The following EXOC3 variants were observed in gnomAD, a reference collection of about 807,000 sequenced individuals.
EXOC3 encodes the protein exocyst complex component 3.
EXOC3 carries 21 observed loss-of-function variants against 73.7 expected under a neutral mutation model. That is an observed-to-expected ratio of 0.29 (90% confidence interval 0.20 to 0.41). EXOC3 has a LOEUF of 0.41. EXOC3 is among the 10% of genes least tolerant of loss of function. EXOC3 has a pLI of 1.00. For missense variants in EXOC3, 842 were observed against 985.1 expected (o/e 0.85, Z 1.95); for synonymous variants, 410 against 389.1 (o/e 1.05, Z -0.63).
Position 445,353 on chromosome 5 carries a change from C to CTTT in EXOC3, c.-56-785_-56-783dup, listed in dbSNP as rs11452170. On this transcript the variant is annotated intron_variant, in intron 1 of 12. Coordinates refer to ENST00000512944, the MANE Select transcript of EXOC3 (RefSeq NM_007277.5). ...CAATAATGACTTTTTCTTTTTTTTT[C>CTTT]TTTTTTTTTTTTTTGAGACGGAGTC... 9.3e-5 allele frequency among the ~76,000 whole-genome samples: 13 copies of CTTT among 139,602 alleles called. No homozygotes were observed. In the South Asian group the frequency reaches 1.1e-3, roughly 12 times the overall value. 91.6% of individuals were successfully genotyped at this position (139,602 alleles called of 152,430 possible).
chr5:458,897 T>A (rs1262737995), intron 6 of EXOC3, among the ~76,000 whole-genome samples: 3 of 152,240 alleles, frequency 2.0e-5, no homozygotes, highest in Non-Finnish European at 4.4e-5. Context: ...CGTGAGAAAC[T>A]GTGAGGAGAG....
At chr5:461,052 A>G (rs1198175956) in intron 7 of EXOC3, among the ~76,000 whole-genome samples, 3 of 152,222 alleles carry the variant, frequency 2.0e-5, no homozygotes, top group South Asian at 2.1e-4. Context: ...TGACATTTCA[A>G]GTGTCTGTTT....
intron 4 of EXOC3, among the ~76,000 whole-genome samples, chr5:456,481 G>A (rs1737817616): frequency 6.6e-6 from 1 of 152,160 alleles, no homozygotes; most frequent in African/African-American, 2.4e-5. Flanking sequence ...GGCTCTGCAG[G>A]TGCAGTGAAT....
rs754663864 is a variant in EXOC3, at chr5:462,311, G to T, written c.1653+4G>T. The T allele has an allele frequency of 2.5e-6, 4 of 1,613,744 alleles. No homozygotes were observed. Among genetic ancestry groups the T allele is most frequent in the Non-Finnish European group, 3.4e-6 (4 of 1,179,876 alleles). On this transcript the variant is annotated splice_donor_region_variant and intron_variant, in intron 9 of 12. Coordinates refer to ENST00000512944, the MANE Select transcript of EXOC3 (RefSeq NM_007277.5). ...GGAGGTCTTCCTGGACCTGGAGGTG[G>T]GCCTGGCTCTTTCCTCCTGCCGTTT...
chr5:444,934 C>T (rs1300660270), intron 1 of EXOC3: 1 of 138,496 alleles, frequency 7.2e-6, no homozygotes, highest in African/African-American at 2.5e-5. Context: ...AGATTTTCTA[C>T]GTTGGTATGC....
Position 462,045 on chromosome 5 carries a change from A to G in EXOC3, c.1477A>G (p.Ile493Val). 6.2e-7 allele frequency: 1 copy of G among 1,610,250 alleles called. No individual in the cohort carries two copies. Among genetic ancestry groups the G allele is most frequent in the Non-Finnish European group, 8.5e-7 (1 of 1,178,146 alleles). The change falls in exon 8 of 13, where the codon ATC becomes GTC. Residue 493 changes from isoleucine to valine, a missense_variant. Physicochemically the swap from Ile to Val is conservative, Grantham distance 29. Coordinates refer to ENST00000512944, the MANE Select transcript of EXOC3 (RefSeq NM_007277.5). ...CTGCTACGTTCAGTACATGATCGCC[A>G]TCATCAACAACTGCCAGACCTTCAA... ...PHCYVQYMIAIINNCQTFKES... is the reference protein window; with the variant it reads ...PHCYVQYMIAVINNCQTFKES...
At position 453,685 on chromosome 5, in the gene EXOC3, T is replaced by C; in HGVS notation, c.680T>C (p.Leu227Pro). 2 of 1,613,936 alleles carry C rather than the reference T, an allele frequency of 1.2e-6. No individual in the cohort carries two copies. Among genetic ancestry groups the C allele is most frequent in the South Asian group, 1.1e-5 (1 of 91,080 alleles). ...EREEKIDRRILDRKKQTGFVP... is the reference protein window; with the variant it reads ...EREEKIDRRIPDRKKQTGFVP... ...GAAGAGAAAATTGACAGGCGCATAC[T>C]TGACCGGAAAAAGCAAACTGGCTTT... Residue 227 changes from leucine (L) to proline (P), a missense_variant, in exon 4 of 13, where the codon CTT becomes CCT. Physicochemically the swap from Leu to Pro is moderately conservative, Grantham distance 98. Coordinates refer to ENST00000512944, the MANE Select transcript of EXOC3 (RefSeq NM_007277.5).
At position 459,435 on chromosome 5, in the gene EXOC3, A is replaced by G; in HGVS notation, c.1367A>G (p.Gln456Arg). ...ACAAAGGTACTAGTTTTATGTCTTC[A>G]GCAGATGAATTCTTTCCTAAGCAGG... ...LKTKVLVLCL[Q>R]QMNSFLSRYK... Residue 456 changes from glutamine (Q) to arginine (R), a missense_variant, in exon 7 of 13, where the codon CAG (glutamine) becomes CGG (arginine). Physicochemically the swap from Gln to Arg is conservative, Grantham distance 43. Transcript: ENST00000512944. 6.4e-7 allele frequency: 1 copy of G among 1,554,788 alleles called. No homozygotes were observed. Among genetic ancestry groups the G allele is most frequent in the Non-Finnish European group, 8.8e-7 (1 of 1,140,144 alleles).
intron 10 of EXOC3, 83 bp downstream of exon 10, chr5:464,495 G>T: frequency 6.8e-7 from 1 of 1,464,186 alleles, no homozygotes. Context: ...CATCCAGCGA[G>T]TCCCTCCGTG....
chr5:456,961 A>G lies in EXOC3; in HGVS notation c.1119A>G (p.Pro373=). The part of the protein sequence containing the change: ...DVGTLEPLLS[P]HVVSELLDTY... ...GCACCCTGGAGCCATTGCTTTCTCC[A>G]CACGTGGTCTCTGAGCTGCTTGACA... Residue 373 remains proline (P), a synonymous_variant, in exon 5 of 13, where the codon CCA becomes CCG. Coordinates refer to ENST00000512944, the MANE Select transcript of EXOC3 (RefSeq NM_007277.5). The G allele has an allele frequency of 6.2e-7, 1 of 1,613,936 alleles. No individual in the cohort carries two copies. The highest frequency in any genetic ancestry group is 1.1e-5 in the South Asian group (1 of 91,086).
At chr5:450,703 G>A (rs1437595875) in intron 3 of EXOC3, among the ~76,000 whole-genome samples, 2 of 151,504 alleles carry the variant, frequency 1.3e-5, no homozygotes, top group African/African-American at 2.4e-5. Context: ...GTATTTTGAC[G>A]GTCTGTTAGT....
chr5:466,462 C>T (rs1260800463), intron 12 of EXOC3: 1 of 478,382 alleles, frequency 2.1e-6, no homozygotes, highest in Non-Finnish European at 3.7e-6. Flanking sequence ...GTCTTGAGCT[C>T]TCCACGGTCT....
chr5:465,406 C>A, intron 11 of EXOC3, 134 bp downstream of exon 11: 4 of 1,056,102 alleles, frequency 3.8e-6, no homozygotes, highest in East Asian at 2.6e-5. Context: ...GGGTCCAGGT[C>A]CTGCCTGACC....
At chr5:456,400 G>GC (rs35960959) in intron 4 of EXOC3, among the ~76,000 whole-genome samples, 106,998 of 152,056 alleles carry the variant, frequency 0.7, 37,908 homozygotes, top group African/African-American at 0.79. Flanking sequence ...GGCTGTGGGG[G>GC]CGGCTGTGCT....
At chr5:464,724 A>C (rs976742602) in intron 10 of EXOC3, 5 of 400,482 alleles carry the variant, frequency 1.2e-5, no homozygotes, top group South Asian at 2.8e-5. Flanking sequence ...TCCGCTTCAG[A>C]CCCTCCTTCC....
At chr5:449,132 C>T (rs1737585682) in intron 3 of EXOC3, among the ~76,000 whole-genome samples, 1 of 152,232 alleles carries the variant, frequency 6.6e-6, no homozygotes, top group Non-Finnish European at 1.5e-5. Flanking sequence ...AAAATAATTT[C>T]CTTTCCTTGG....
chr5:448,067 T>C (rs1164915236), intron 3 of EXOC3, among the ~76,000 whole-genome samples: 10 of 152,102 alleles, frequency 6.6e-5, no homozygotes, highest in Non-Finnish European at 1.5e-4. Flanking sequence ...ACTCTGTGAG[T>C]GCAGAAGAAT....
In EXOC3 at chr5:446,204, C is replaced by T. The variant is rs1302188597; in HGVS notation, c.-2C>T. 3 of 1,613,852 alleles carry T rather than the reference C, an allele frequency of 1.9e-6. No individual in the cohort carries two copies. The African/African-American group carries it at 4.0e-5, about 22-fold the overall frequency. On this transcript the variant is annotated 5_prime_UTR_variant, in exon 2 of 13. Coordinates refer to ENST00000512944, the MANE Select transcript of EXOC3 (RefSeq NM_007277.5). Reference sequence around the variant, plus strand: ...TGTGAGGATTCCACCAGCTTTTTCACCATGAAGGAGACAGACCGGGAGGCC... The same window carrying T: ...TGTGAGGATTCCACCAGCTTTTTCATCATGAAGGAGACAGACCGGGAGGCC...
At position 466,987 on chromosome 5, in the gene EXOC3, C is replaced by T. The variant is rs147989056; in HGVS notation, c.*89C>T. On this transcript the variant is annotated 3_prime_UTR_variant, in exon 13 of 13. Coordinates refer to ENST00000512944, the MANE Select transcript of EXOC3 (RefSeq NM_007277.5). ...CAGCTGATTGCTCTCCTTGGCCACA[C>T]GTGCTCCTTTTAGCTGCACGGCCTG... is the stretch of plus-strand genomic sequence containing the variant. 7.6e-4 allele frequency: 1,006 copies of T among 1,322,548 alleles called. 41 individuals are homozygous for T. In the East Asian group the frequency reaches 9.5e-3, roughly 13 times the overall value. The allele number at this position is 1,322,548 out of a possible 1,614,324, so 81.9% of individuals were successfully genotyped here. A position where few individuals can be genotyped will look rare whatever the true frequency, so the allele number is the denominator to read the frequency against.
Sources: gnomAD v4.1 joint callset for allele counts (sites outside exome capture counted in the v4.1 genomes callset) on GRCh38, gnomAD v4.1.1 for gene constraint, MANE v1.5 for transcripts, NCBI Gene and HGNC (gene_info 2026-07-23, HGNC 2026-07-21) for gene names.